NCAN: variants seen among roughly 807,000 people sequenced by gnomAD.
The protein encoded by NCAN is neurocan.
NCAN carries 47 observed loss-of-function variants against 121.8 expected under a neutral mutation model. The observed-to-expected ratio is 0.39, with a 90% CI of 0.31 to 0.49. The LOEUF is 0.49. Among genes scored for constraint, NCAN ranks in the 20% least tolerant of loss-of-function variants. The pLI is 0.92. For synonymous variants in NCAN, 633 were observed against 702.0 expected, an observed-to-expected ratio of 0.90 and a Z score of 1.55; for missense variants, 1,517 against 1,773.4, an observed-to-expected ratio of 0.86 and a Z score of 2.60.
At position 19,249,812 on chromosome 19, in the gene NCAN, CCACCACCAGCAT is replaced by C; in HGVS notation, c.3876_3887del (p.Gln1292_His1295del). 2 of 1,613,088 alleles carry C rather than the reference CCACCACCAGCAT, an allele frequency of 1.2e-6. No homozygotes were observed. The highest frequency in any genetic ancestry group is 1.7e-4 in the Middle Eastern group (1 of 6,040). ...GGCGACACCACCACCACCACCAACA[CCACCACCAGCAT>C]CACCACCACAAATCCCGCAAGGAGC... On this transcript the variant is annotated inframe_deletion, in exon 15 of 15. Coordinates refer to ENST00000252575, the MANE Select transcript of NCAN (RefSeq NM_004386.3).
In NCAN at chr19:19,228,513, G is replaced by A. The variant is rs745487508; in HGVS notation, c.2893G>A (p.Gly965Ser). Residue 965 changes from glycine (G) to serine (S), a missense_variant, in exon 8 of 15, where the codon GGC (glycine) becomes AGC (serine). Coordinates refer to ENST00000252575, the MANE Select transcript of NCAN (RefSeq NM_004386.3). ...PSSTLLPVTL[G>S]IEDFELEVLA... ...CAGCACCCTGCTGCCTGTCACCCTG[G>A]GCATAGAGGACTTCGAACTGGAGGT... 1.2e-6 allele frequency: 2 copies of A among 1,613,454 alleles called. No individual in the cohort carries two copies. The highest frequency in any genetic ancestry group is 1.1e-5 in the South Asian group (1 of 91,086).
chr19:19,225,413 C>T lies in NCAN; in HGVS notation c.1072+143C>T, dbSNP rs1420509474. 1 of 1,078,540 alleles carries T rather than the reference C, an allele frequency of 9.3e-7. No homozygotes were observed. The highest frequency in any genetic ancestry group is 2.7e-4 in the Middle Eastern group (1 of 3,654). The allele number at this position is 1,078,540 out of a possible 1,614,324, so 66.8% of individuals were successfully genotyped here. On this transcript the variant is annotated intron_variant, in intron 6 of 14. Coordinates refer to ENST00000252575, the MANE Select transcript of NCAN (RefSeq NM_004386.3). The surrounding 1 kb of genome is among the most constrained non-coding windows in gnomAD (Gnocchi z 4.0). ...ACATCCCTGGGTGAGGGCCACGCCC[C>T]CGGGTGAAGGCCACACCCGTTACGA... is the stretch of plus-strand genomic sequence containing the variant.
In NCAN at chr19:19,246,536, T is replaced by TTTTG. The variant is rs554276995; in HGVS notation, c.3637+1092_3637+1095dup. Among the ~76,000 whole-genome samples, 27 of 152,252 alleles carry TTTTG rather than the reference T, an allele frequency of 1.8e-4. No individual in the cohort carries two copies. In the East Asian group the frequency reaches 4.8e-3, roughly 27 times the overall value. ...TTAAGGATGAGAATAACCAGTTGTTTTTTGTTTGTTTGTTTGAGATGGAGT... is the reference window on the plus strand; with the variant it reads ...TTAAGGATGAGAATAACCAGTTGTTTTTTGTTTGTTTGTTTGTTTGAGATGGAGT... On this transcript the variant is annotated intron_variant, in intron 13 of 14. Transcript: ENST00000252575.
At chr19:19,248,156 C>T (rs2060931997) in intron 13 of NCAN, among the ~76,000 whole-genome samples, 1 of 151,332 alleles carries the variant, frequency 6.6e-6, no homozygotes, top group Admixed American at 6.6e-5. Flanking sequence ...TTAAAAACAA[C>T]AATAAGAGCC....
In NCAN at chr19:19,250,771, C is replaced by T. The variant is rs768238426; in HGVS notation, c.*860C>T. On this transcript the variant is annotated 3_prime_UTR_variant, in exon 15 of 15. Transcript: ENST00000252575. The stretch of plus-strand genomic sequence containing the variant: ...CCTTCCTGGACCAAGGAGGTGCTGC[C>T]AAGTTTTCTAGCCCAGTGCACATAC... The T allele has an allele frequency of 6.5e-6, 1 of 154,326 alleles. No homozygotes were observed. Among genetic ancestry groups the T allele is most frequent in the Non-Finnish European group, 1.4e-5 (1 of 69,226 alleles). 9.6% of individuals were successfully genotyped at this position (154,326 alleles called of 1,614,324 possible). A position where few individuals can be genotyped will look rare whatever the true frequency, so the allele number is the denominator to read the frequency against.
intron 1 of NCAN, among the ~76,000 whole-genome samples, chr19:19,214,664 A>AT (rs1306901606): frequency 4.6e-5 from 7 of 151,880 alleles, no homozygotes; most frequent in Non-Finnish European, 1.0e-4. Context: ...GCACAGAGAG[A>AT]TTGAAGCAGC....
chr19:19,249,371 T>A (rs2060938095), intron 14 of NCAN, among the ~76,000 whole-genome samples: 1 of 150,018 alleles, frequency 6.7e-6, no homozygotes, highest in African/African-American at 2.5e-5. Flanking sequence ...ACATCCGGCC[T>A]GGTTTTGTTT....
intron 13 of NCAN, among the ~76,000 whole-genome samples, chr19:19,247,567 T>G (rs907694628): frequency 1.3e-5 from 2 of 152,092 alleles, no homozygotes; most frequent in Non-Finnish European, 2.9e-5. Flanking sequence ...TTTTAAAATT[T>G]TTTTGTAGAG....
Position 19,212,496 on chromosome 19 carries a change from T to G in NCAN, c.-8+432T>G, listed in dbSNP as rs1388710285. Among the ~76,000 whole-genome samples, 1 of 150,932 alleles carries G rather than the reference T, an allele frequency of 6.6e-6. No individual in the cohort carries two copies. Among genetic ancestry groups the G allele is most frequent in the Non-Finnish European group, 1.5e-5 (1 of 67,710 alleles). On this transcript the variant is annotated intron_variant, in intron 1 of 14. Coordinates refer to ENST00000252575, the MANE Select transcript of NCAN (RefSeq NM_004386.3). The surrounding 1 kb of genome is among the most constrained non-coding windows in gnomAD (Gnocchi z 4.5). ...GGATTTTAAGTAGGGATTCCCAATT[T>G]GCGGTTGAATGGAGGATTCCGGGCC...
chr19:19,215,950 T>C (rs2060794563), intron 1 of NCAN, among the ~76,000 whole-genome samples: 2 of 152,150 alleles, frequency 1.3e-5, no homozygotes, highest in Admixed American at 6.5e-5. Flanking sequence ...TCTAAGCATT[T>C]TATATGTATT....
intron 8 of NCAN, among the ~76,000 whole-genome samples, chr19:19,229,228 G>C (rs1599814851): frequency 6.6e-6 from 1 of 152,126 alleles, no homozygotes; most frequent in Non-Finnish European, 1.5e-5. Flanking sequence ...CAAAAACAAA[G>C]TGTGGGAGTG....
chr19:19,228,469 C>G lies in NCAN; in HGVS notation c.2849C>G (p.Thr950Arg), dbSNP rs757592036. ...ESASVSSGEP[T>R]VPWDPSSTLL... ...GCCTCAGTTTCCTCAGGGGAGCCTA[C>G]GGTACCGTGGGACCCCTCCAGCACC... is the stretch of plus-strand genomic sequence containing the variant. Residue 950 changes from threonine to arginine, a missense_variant, in exon 8 of 15, where the codon ACG (threonine) becomes AGG (arginine). Thr to Arg is a moderately conservative substitution (Grantham distance 71). Transcript: ENST00000252575. 14 of 1,613,438 alleles carry G rather than the reference C, an allele frequency of 8.7e-6. No individual in the cohort carries two copies. Among genetic ancestry groups the G allele is most frequent in the Admixed American group, 1.7e-5 (1 of 60,000 alleles).
intron 8 of NCAN, among the ~76,000 whole-genome samples, chr19:19,229,579 C>T (rs1189450534): frequency 1.3e-5 from 2 of 152,204 alleles, no homozygotes; most frequent in East Asian, 3.8e-4. Flanking sequence ...TAAAACGCCG[C>T]TTGGCTAATC....
At position 19,227,823 on chromosome 19, in the gene NCAN, G is replaced by T; in HGVS notation, c.2203G>T (p.Ala735Ser). Residue 735 changes from alanine to serine, a missense_variant, in exon 8 of 15, where the codon GCT (alanine) becomes TCT (serine). By Grantham distance (99) the Ala-to-Ser change is moderately conservative. Coordinates refer to ENST00000252575, the MANE Select transcript of NCAN (RefSeq NM_004386.3). This position sits in a 1 kb window ranked among gnomAD's most constrained non-coding sequence, Gnocchi z 4.2. ...ATGGCCTTCTGTAAACAGGAATGTG[G>T]CTGTAGGTTTTGTCCCCACTGAGAC... ...SPWPSVNRNV[A>S]VGFVPTETAT... 6.2e-7 allele frequency: 1 copy of T among 1,613,638 alleles called. No homozygotes were observed. Among genetic ancestry groups the T allele is most frequent in the Non-Finnish European group, 8.5e-7 (1 of 1,180,020 alleles).
In NCAN at chr19:19,251,449, T is replaced by A. The variant is rs1221182307; in HGVS notation, c.*1538T>A. On this transcript the variant is annotated 3_prime_UTR_variant, in exon 15 of 15. Coordinates refer to ENST00000252575, the MANE Select transcript of NCAN (RefSeq NM_004386.3). ...ACACAGTGAAACTGAGGCTCAGATA[T>A]AAAGGAAAGGTACTGGCTTGAAGTC... 6 of 152,160 alleles carry A rather than the reference T, an allele frequency of 3.9e-5. No individual in the cohort carries two copies. The highest frequency in any genetic ancestry group is 7.4e-5 in the Non-Finnish European group (5 of 68,026). The allele number at this position is 152,160 out of a possible 1,614,324, so 9.4% of individuals were successfully genotyped here.
At chr19:19,232,500 C>G (rs1405300706) in intron 8 of NCAN, among the ~76,000 whole-genome samples, 1 of 152,216 alleles carries the variant, frequency 6.6e-6, no homozygotes, top group South Asian at 2.1e-4. Flanking sequence ...ATCCATGGGG[C>G]CACCCCAGGG....
intron 3 of NCAN, among the ~76,000 whole-genome samples, chr19:19,223,140 A>AT: frequency 6.6e-6 from 1 of 151,702 alleles, no homozygotes; most frequent in Non-Finnish European, 1.5e-5. Context: ...AATAAAATAA[A>AT]AAATAAATAA....
intron 3 of NCAN, 90 bp downstream of exon 3, chr19:19,219,406 T>A: frequency 1.5e-6 from 2 of 1,311,942 alleles, no homozygotes; most frequent in Non-Finnish European, 2.0e-6. Flanking sequence ...TAGAAATCAC[T>A]CCCTGAGACC....
intron 2 of NCAN, among the ~76,000 whole-genome samples, chr19:19,218,433 A>C (rs2060803659): frequency 6.6e-6 from 1 of 151,554 alleles, no homozygotes; most frequent in Non-Finnish European, 1.5e-5. Flanking sequence ...ACTGCATTCT[A>C]CCCTGGGCGA....
Sources: allele counts gnomAD v4.1 joint callset (sites outside exome capture counted in the v4.1 genomes callset), GRCh38; gene constraint gnomAD v4.1.1; non-coding constraint Gnocchi (gnomAD v3.1); transcripts MANE v1.5; gene names NCBI Gene and HGNC (gene_info 2026-07-23, HGNC 2026-07-21).